METAP1D: variants seen among roughly 807,000 people sequenced by gnomAD.
The protein encoded by METAP1D is methionine aminopeptidase 1D, mitochondrial.
METAP1D carries 31 observed loss-of-function variants against 40.5 expected under a neutral mutation model. The observed-to-expected ratio is 0.77, with a 90% confidence interval of 0.58 to 1.03. METAP1D has a LOEUF of 1.03. Among genes scored for constraint, METAP1D ranks in the 50% least tolerant of loss-of-function variants. The pLI is 0.00. For synonymous variants in METAP1D, 151 were observed against 146.4 expected (o/e 1.03, Z -0.22); for missense variants, 411 against 420.7 (o/e 0.98, Z 0.20).
At chr2:172,066,330 G>A (rs1461117911) in intron 5 of METAP1D, 24 bp downstream of exon 5, 1 of 1,595,074 alleles carries the variant, frequency 6.3e-7, no homozygotes, top group Non-Finnish European at 8.6e-7. Flanking sequence ...ATAAAAAATT[G>A]TCTTTGATCA....
intron 1 of METAP1D, among the ~76,000 whole-genome samples, chr2:172,028,845 A>T (rs1181636769): frequency 6.6e-6 from 1 of 152,324 alleles, no homozygotes; most frequent in South Asian, 2.1e-4. Flanking sequence ...ATTTAAGGAC[A>T]TTAAAAATGT....
At chr2:172,040,102 C>T (rs745517873) in intron 1 of METAP1D, among the ~76,000 whole-genome samples, 42 of 151,906 alleles carry the variant, frequency 2.8e-4, no homozygotes, top group African/African-American at 8.7e-4. Context: ...GGATTACAGG[C>T]GCTCGCCATC....
At chr2:172,031,493 A>G (rs1268756686) in intron 1 of METAP1D, among the ~76,000 whole-genome samples, 1 of 145,884 alleles carries the variant, frequency 6.9e-6, no homozygotes, top group Non-Finnish European at 1.6e-5. Flanking sequence ...CACTAGACTT[A>G]TCTCAGTTGT....
Position 172,042,220 on chromosome 2 carries a change from T to TGTACACATATACATATGTATGTGTACAC in METAP1D, c.41-19276_41-19275insACACATATACATATGTATGTGTACACGT, listed in dbSNP as rs1689558282. On this transcript the variant is annotated intron_variant, in intron 1 of 9. Transcript: ENST00000315796. The stretch of plus-strand genomic sequence containing the variant: ...ACACATATACATATGTATGTGTACA[T>TGTACACATATACATATGTATGTGTACAC]GTGTACACATATACATATGTATGTG... Among the ~76,000 whole-genome samples the TGTACACATATACATATGTATGTGTACAC allele has an allele frequency of 1.8e-4, 2 of 10,850 alleles. 1 individual carries two copies. Among genetic ancestry groups the TGTACACATATACATATGTATGTGTACAC allele is most frequent in the African/African-American group, 3.5e-4 (2 of 5,706 alleles). The allele number at this position is 10,850 out of a possible 152,430, so 7.1% of individuals were successfully genotyped here.
chr2:172,049,497 C>T (rs1689841507), intron 1 of METAP1D, among the ~76,000 whole-genome samples: 1 of 152,030 alleles, frequency 6.6e-6, no homozygotes, highest in African/African-American at 2.4e-5. Flanking sequence ...ATGGAGCTCC[C>T]CTTTTAAGCC....
At chr2:172,009,251 G>A (rs1274835422) in intron 1 of METAP1D, among the ~76,000 whole-genome samples, 1 of 151,876 alleles carries the variant, frequency 6.6e-6, no homozygotes, top group Non-Finnish European at 1.5e-5. Context: ...CACCGTGTTA[G>A]CCAGGATGGT....
intron 7 of METAP1D, 72 bp from the exon 8 acceptor site, chr2:172,079,143 C>T: frequency 1.3e-6 from 2 of 1,492,140 alleles, no homozygotes; most frequent in South Asian, 1.1e-5. Context: ...AGGGGCCTGA[C>T]CCCTGTAATC....
At chr2:172,009,827 A>C (rs554746897) in intron 1 of METAP1D, among the ~76,000 whole-genome samples, 3 of 152,226 alleles carry the variant, frequency 2.0e-5, no homozygotes, top group African/African-American at 7.2e-5. Flanking sequence ...TAGGGTAATG[A>C]CTGCGGGATG....
intron 6 of METAP1D, among the ~76,000 whole-genome samples, chr2:172,075,405 T>C (rs1303954717): frequency 6.6e-6 from 1 of 152,214 alleles, no homozygotes; most frequent in Non-Finnish European, 1.5e-5. Context: ...GGTTATGGCC[T>C]GTGGTGACTG....
At chr2:172,005,394 G>T (rs1350192497) in intron 1 of METAP1D, among the ~76,000 whole-genome samples, 1 of 151,552 alleles carries the variant, frequency 6.6e-6, no homozygotes, top group African/African-American at 2.4e-5. Flanking sequence ...AGAACATACA[G>T]TATTTGGTTT....
At position 172,029,145 on chromosome 2, in the gene METAP1D, C is replaced by T. The variant is rs559983081; in HGVS notation, c.40+29136C>T. Reference sequence around the variant, plus strand: ...CTTATTAGCTGGGCATGGTGGTTTACGCCTGTAATCCCAGCGCTTTGGGAG... The same window carrying T: ...CTTATTAGCTGGGCATGGTGGTTTATGCCTGTAATCCCAGCGCTTTGGGAG... On this transcript the variant is annotated intron_variant, in intron 1 of 9. Transcript: ENST00000315796. Among the ~76,000 whole-genome samples the T allele has an allele frequency of 1.5e-3, 228 of 152,308 alleles. 3 individuals are homozygous for T. Among genetic ancestry groups the T allele is most frequent in the African/African-American group, 5.1e-3 (211 of 41,572 alleles).
At chr2:172,037,901 T>C (rs1689433167) in intron 1 of METAP1D, among the ~76,000 whole-genome samples, 1 of 152,130 alleles carries the variant, frequency 6.6e-6, no homozygotes, top group Non-Finnish European at 1.5e-5. Flanking sequence ...CTTTCACTTG[T>C]TGTAGAAGTT....
In METAP1D at chr2:172,079,139, C is replaced by A; in HGVS notation, c.803-76C>A. On this transcript the variant is annotated intron_variant, in intron 7 of 9. Coordinates refer to ENST00000315796, the MANE Select transcript of METAP1D (RefSeq NM_199227.3). ...AAACGACCAAGTTTTTTAAAGGGGC[C>A]TGACCCCTGTAATCTGTTTTTTTTT... The A allele has an allele frequency of 2.0e-6, 3 of 1,480,014 alleles. No individual in the cohort carries two copies. In the Middle Eastern group the frequency reaches 5.2e-4, roughly 255 times the overall value. 91.7% of individuals were successfully genotyped at this position (1,480,014 alleles called of 1,614,324 possible). A position where few individuals can be genotyped will look rare whatever the true frequency, so the allele number is the denominator to read the frequency against.
At chr2:172,023,394 G>A (rs768830706) in intron 1 of METAP1D, among the ~76,000 whole-genome samples, 2 of 152,162 alleles carry the variant, frequency 1.3e-5, no homozygotes, top group Non-Finnish European at 2.9e-5. Flanking sequence ...CCCCACTTGA[G>A]GATTGTTACA....
At chr2:172,059,257 C>T (rs765739401) in intron 1 of METAP1D, among the ~76,000 whole-genome samples, 6 of 151,864 alleles carry the variant, frequency 4.0e-5, no homozygotes, top group Admixed American at 6.6e-5. Context: ...TACAGGCGCG[C>T]GCCACCATGC....
rs62183852 is a variant in METAP1D, at chr2:172,061,483, T to G, written c.41-15T>G. 0.22 allele frequency: 348,651 copies of G among 1,600,350 alleles called. 40,501 individuals carry two copies. Among genetic ancestry groups the G allele is most frequent in the South Asian group, 0.25 (22,028 of 88,634 alleles). The stretch of plus-strand genomic sequence containing the variant: ...GTTGTTTTTTTACTTAAAATATGTC[T>G]GTTTCTGCTCACAGGTTCTCATAGA... On this transcript the variant is annotated splice_polypyrimidine_tract_variant and intron_variant, in intron 1 of 9. Coordinates refer to ENST00000315796, the MANE Select transcript of METAP1D (RefSeq NM_199227.3).
chr2:172,036,657 A>C (rs1210578314), intron 1 of METAP1D, among the ~76,000 whole-genome samples: 1 of 151,748 alleles, frequency 6.6e-6, no homozygotes, highest in South Asian at 2.1e-4. Flanking sequence ...GAGCCACCGC[A>C]CCCGGCCCGT....
At chr2:172,072,804 C>T (rs947738050) in intron 6 of METAP1D, among the ~76,000 whole-genome samples, 7 of 152,102 alleles carry the variant, frequency 4.6e-5, no homozygotes, top group African/African-American at 7.2e-5. Context: ...ATAATTGAGC[C>T]TCTTTGTAGC....
At chr2:172,002,165 A>G (rs1236674150) in intron 1 of METAP1D, among the ~76,000 whole-genome samples, 1 of 151,846 alleles carries the variant, frequency 6.6e-6, no homozygotes, top group Non-Finnish European at 1.5e-5. Context: ...GCTTCAGGTA[A>G]TGGTGAGAAG....
Sources: gnomAD v4.1 joint callset for allele counts (sites outside exome capture counted in the v4.1 genomes callset) on GRCh38, gnomAD v4.1.1 for gene constraint, MANE v1.5 for transcripts, NCBI Gene and HGNC (gene_info 2026-07-23, HGNC 2026-07-21) for gene names.